CAMKK1: variants seen among roughly 807,000 people sequenced by gnomAD.
The protein encoded by CAMKK1 is calcium/calmodulin dependent protein kinase kinase 1, also known as calcium/calmodulin-dependent protein kinase kinase 1.
Under a neutral mutation model 63.5 loss-of-function variants are expected in CAMKK1, and 20 were observed. The ratio of observed to expected loss-of-function variants is 0.32; its 90% CI spans 0.22 to 0.46. The LOEUF (loss-of-function observed/expected upper bound fraction) is 0.46. CAMKK1 is among the 20% of genes least tolerant of loss of function. The probability of loss-of-function intolerance (pLI) is 1.00; values close to 1 mark genes in which losing one functional copy is unlikely to be tolerated. For missense variants in CAMKK1, 588 were observed against 658.1 expected (o/e 0.89, Z 1.17); for synonymous variants, 253 against 269.0 (o/e 0.94, Z 0.58).
Position 3,890,994 on chromosome 17 carries a change from G to A in CAMKK1, c.-44+1945C>T, listed in dbSNP as rs1470095642. ...CCCTACCCCATCCTCCACACCAGCT[G>A]CTGGAGGGATTTCCAACATGCAAAT... On this transcript the variant is annotated intron_variant, in intron 1 of 15. Transcript: ENST00000348335. This position sits in a 1 kb window ranked among gnomAD's most constrained non-coding sequence, Gnocchi z 6.5. Among the ~76,000 whole-genome samples, 1 of 152,124 alleles carries A rather than the reference G, an allele frequency of 6.6e-6. No homozygotes were observed.
At chr17:3,888,642 G>A (rs1307981517) in intron 1 of CAMKK1, among the ~76,000 whole-genome samples, 1 of 152,260 alleles carries the variant, frequency 6.6e-6, no homozygotes, top group East Asian at 1.9e-4. Context: ...GGCTGCTGTT[G>A]TGATTGCTCG....
At chr17:3,863,576 C>T (rs1448214298) in intron 15 of CAMKK1, among the ~76,000 whole-genome samples, 1 of 152,090 alleles carries the variant, frequency 6.6e-6, no homozygotes, top group Non-Finnish European at 1.5e-5. Flanking sequence ...AATCTTCTTT[C>T]AAAGTTAAAC....
At chr17:3,888,559 G>A (rs1031445763) in intron 1 of CAMKK1, among the ~76,000 whole-genome samples, 4 of 152,354 alleles carry the variant, frequency 2.6e-5, no homozygotes, top group Non-Finnish European at 4.4e-5. Context: ...AGATGCTGAG[G>A]AGGGAACGCC....
chr17:3,879,596 A>G lies in CAMKK1; in HGVS notation c.796+750T>C, dbSNP rs2055315257. 1 of 152,542 alleles carries G rather than the reference A, an allele frequency of 6.6e-6. No homozygotes were observed. The highest frequency in any genetic ancestry group is 2.4e-5 in the African/African-American group (1 of 41,410). 9.4% of individuals were successfully genotyped at this position (152,542 alleles called of 1,614,324 possible). A position where few individuals can be genotyped will look rare whatever the true frequency, so the allele number is the denominator to read the frequency against. ...CTTCAGCCAGACTCCACTTCTCCCCAGACTCAGAGTACACGCCTATGCCAG... is the reference window on the plus strand; with the variant it reads ...CTTCAGCCAGACTCCACTTCTCCCCGGACTCAGAGTACACGCCTATGCCAG... On this transcript the variant is annotated intron_variant, in intron 9 of 15. Transcript: ENST00000348335. This position sits in a 1 kb window ranked among gnomAD's most constrained non-coding sequence, Gnocchi z 4.5.
chr17:3,891,874 G>A (rs2055915707), intron 1 of CAMKK1, among the ~76,000 whole-genome samples: 1 of 152,142 alleles, frequency 6.6e-6, no homozygotes. Context: ...CCAGGGGGAG[G>A]TTGTGAGCAG....
At position 3,862,497 on chromosome 17, in the gene CAMKK1, G is replaced by A. The variant is rs1242305112; in HGVS notation, c.1446-214C>T. ...CCCAGTCTCAGCCCGCAACGCCTCC[G>A]TGGCCCCCCATTGACCAGAGATGAA... is the stretch of plus-strand genomic sequence containing the variant. On this transcript the variant is annotated intron_variant, in intron 15 of 15. Coordinates refer to ENST00000348335, the MANE Select transcript of CAMKK1 (RefSeq NM_032294.3). The surrounding 1 kb of genome is among the most constrained non-coding windows in gnomAD (Gnocchi z 4.1). Among the ~76,000 whole-genome samples the A allele has an allele frequency of 7.2e-5, 11 of 152,068 alleles. No homozygotes were observed. The highest frequency in any genetic ancestry group is 7.2e-4 in the Admixed American group (11 of 15,250).
intron 15 of CAMKK1, chr17:3,865,251 T>G: frequency 1.0e-6 from 1 of 986,060 alleles, no homozygotes; most frequent in Non-Finnish European, 1.2e-6. Flanking sequence ...TGGACCCTCC[T>G]AGGAGGTGGT....
At chr17:3,873,146 G>A (rs2054969864) in intron 11 of CAMKK1, among the ~76,000 whole-genome samples, 2 of 152,246 alleles carry the variant, frequency 1.3e-5, no homozygotes, top group Non-Finnish European at 2.9e-5. Context: ...GGGACAGAGG[G>A]ACGGGGAGCA....
chr17:3,864,395 C>T (rs576919653), intron 15 of CAMKK1, among the ~76,000 whole-genome samples: 8 of 152,176 alleles, frequency 5.3e-5, no homozygotes, highest in East Asian at 3.9e-4. Flanking sequence ...TCCAGGTGCC[C>T]GCCACCACGC....
rs984638575 is a variant in CAMKK1 at position 3,883,324 on chromosome 17, G to A, written c.514+105C>T. On this transcript the variant is annotated intron_variant, in intron 5 of 15. Transcript: ENST00000348335. The surrounding 1 kb of genome is among the most constrained non-coding windows in gnomAD (Gnocchi z 4.7). ...CTGTCCCCAGGCCTCTGCTCACGCT[G>A]TCTCCCTCTCTACCCCATTCCTAGC... 6.8e-7 allele frequency: 1 copy of A among 1,473,286 alleles called. No individual in the cohort carries two copies. Among genetic ancestry groups the A allele is most frequent in the Non-Finnish European group, 9.5e-7 (1 of 1,055,200 alleles). The allele number at this position is 1,473,286 out of a possible 1,614,324, so 91.3% of individuals were successfully genotyped here. A position where few individuals can be genotyped will look rare whatever the true frequency, so the allele number is the denominator to read the frequency against.
chr17:3,866,891 T>C (rs2054549234), intron 14 of CAMKK1, among the ~76,000 whole-genome samples: 1 of 152,120 alleles, frequency 6.6e-6, no homozygotes, highest in Non-Finnish European at 1.5e-5. Context: ...GGCTAATTTT[T>C]TGTATTTTTA....
chr17:3,886,283 A>G (rs1334773077), intron 1 of CAMKK1, among the ~76,000 whole-genome samples: 1 of 152,162 alleles, frequency 6.6e-6, no homozygotes, highest in Non-Finnish European at 1.5e-5. Context: ...GCTTCCAGGA[A>G]GACTTCCCTG....
rs1484813613 is a variant in CAMKK1, at chr17:3,892,520, C to G, written c.-44+419G>C. On this transcript the variant is annotated intron_variant, in intron 1 of 15. Transcript: ENST00000348335. This position sits in a 1 kb window ranked among gnomAD's most constrained non-coding sequence, Gnocchi z 7.5. ...TTCATCTCCCACCCCGCCCCCGGCT[C>G]CTGCAGGAAGACGCTCCGGCGGGCC... Among the ~76,000 whole-genome samples the G allele has an allele frequency of 1.3e-5, 2 of 152,138 alleles. No individual in the cohort carries two copies. Among genetic ancestry groups the G allele is most frequent in the African/African-American group, 4.8e-5 (2 of 41,442 alleles).
chr17:3,891,762 G>T (rs1429956128), intron 1 of CAMKK1, among the ~76,000 whole-genome samples: 2 of 152,174 alleles, frequency 1.3e-5, no homozygotes, highest in Non-Finnish European at 2.9e-5. Flanking sequence ...GAGGATGGAA[G>T]TTTGCACTGT....
In CAMKK1 at chr17:3,892,001, T is replaced by TG. The variant is rs2055919980; in HGVS notation, c.-44+937dup. 6.6e-6 allele frequency among the ~76,000 whole-genome samples: 1 copy of TG among 152,000 alleles called. No individual in the cohort carries two copies. Among genetic ancestry groups the TG allele is most frequent in the African/African-American group, 2.4e-5 (1 of 41,368 alleles). ...CAGAGTGTGTGCGCCTGGGACGCAG[T>TG]GGGGGGTCAATTTGTATGTACTGGA... On this transcript the variant is annotated intron_variant, in intron 1 of 15. Coordinates refer to ENST00000348335, the MANE Select transcript of CAMKK1 (RefSeq NM_032294.3). The surrounding 1 kb of genome is among the most constrained non-coding windows in gnomAD (Gnocchi z 7.5).
chr17:3,883,320 C>G lies in CAMKK1; in HGVS notation c.514+109G>C, dbSNP rs539710927. 1 of 1,467,970 alleles carries G rather than the reference C, an allele frequency of 6.8e-7. No individual in the cohort carries two copies. The allele number at this position is 1,467,970 out of a possible 1,614,324, so 90.9% of individuals were successfully genotyped here. ...CATTCTGTCCCCAGGCCTCTGCTCA[C>G]GCTGTCTCCCTCTCTACCCCATTCC... On this transcript the variant is annotated intron_variant, in intron 5 of 15. Coordinates refer to ENST00000348335, the MANE Select transcript of CAMKK1 (RefSeq NM_032294.3). This position sits in a 1 kb window ranked among gnomAD's most constrained non-coding sequence, Gnocchi z 4.7.
intron 9 of CAMKK1, 104 bp downstream of exon 9, chr17:3,880,242 C>G: frequency 1.0e-6 from 1 of 967,828 alleles, no homozygotes; most frequent in Non-Finnish European, 1.6e-6. Context: ...ATTGGCAGGT[C>G]AGCTCTGACT....
At position 3,875,080 on chromosome 17, in the gene CAMKK1, C is replaced by T. The variant is rs559450918; in HGVS notation, c.996+1143G>A. ...GAGCTTGCAGTGAGCTGAGATCGCG[C>T]CACTGCACTCCAGCCTGGGCGACAG... On this transcript the variant is annotated intron_variant, in intron 10 of 15. Coordinates refer to ENST00000348335, the MANE Select transcript of CAMKK1 (RefSeq NM_032294.3). 9.2e-5 allele frequency among the ~76,000 whole-genome samples: 14 copies of T among 152,012 alleles called. No individual in the cohort carries two copies. The East Asian group carries it at 2.7e-3, about 30-fold the overall frequency.
chr17:3,882,921 C>A lies in CAMKK1; in HGVS notation c.648+121G>T. 1 of 1,316,342 alleles carries A rather than the reference C, an allele frequency of 7.6e-7. No individual in the cohort carries two copies. The highest frequency in any genetic ancestry group is 1.0e-6 in the Non-Finnish European group (1 of 953,904). The allele number at this position is 1,316,342 out of a possible 1,614,324, so 81.5% of individuals were successfully genotyped here. On this transcript the variant is annotated intron_variant, in intron 6 of 15. Transcript: ENST00000348335. This position sits in a 1 kb window ranked among gnomAD's most constrained non-coding sequence, Gnocchi z 4.3. ...CCAAGTCTGGCCCTGTCCTCAGAGG[C>A]CTCAGCCACATCTGCCACCTGGGCA...
Sources: gnomAD v4.1 joint callset for allele counts (sites outside exome capture counted in the v4.1 genomes callset) on GRCh38, gnomAD v4.1.1 for gene constraint, Gnocchi (gnomAD v3.1) non-coding constraint, MANE v1.5 for transcripts, NCBI Gene and HGNC (gene_info 2026-07-23, HGNC 2026-07-21) for gene names.